SLC2A9: variants seen among roughly 807,000 people sequenced by gnomAD.
The protein encoded by SLC2A9 is solute carrier family 2 member 9.
SLC2A9 carries 39 observed loss-of-function variants against 50.6 expected under a neutral mutation model. That is an observed-to-expected ratio of 0.77 (90% CI 0.60 to 1.01). The LOEUF (loss-of-function observed/expected upper bound fraction) is 1.01, where lower values mean the gene tolerates loss of function less well. Among genes scored for constraint, SLC2A9 ranks in the 50% least tolerant of loss-of-function variants. SLC2A9 has a pLI of 0.00. For synonymous variants in SLC2A9, 324 were observed against 276.9 expected, an observed-to-expected ratio of 1.17 and a Z score of -1.69; for missense variants, 686 against 677.6, an observed-to-expected ratio of 1.01 and a Z score of -0.14.
rs549027794 is a variant in SLC2A9, at chr4:9,829,407, G to C, written c.1420-2807C>G. ...AAAACCCAAAACTATAAAAACCCTA[G>C]AAGAAAATCTAGGCAATACCATTCG... On this transcript the variant is annotated intron_variant, in intron 11 of 11. Coordinates refer to ENST00000264784, the MANE Select transcript of SLC2A9 (RefSeq NM_020041.3). 2.3e-3 allele frequency among the ~76,000 whole-genome samples: 327 copies of C among 143,272 alleles called. 1 individual carries two copies. The highest frequency in any genetic ancestry group is 4.2e-3 in the Non-Finnish European group (278 of 66,392). 94.0% of individuals were successfully genotyped at this position (143,272 alleles called of 152,430 possible).
At chr4:9,795,171 C>A (rs757978706), downstream of SLC2A9, among the ~76,000 whole-genome samples, 6 of 152,030 alleles carry the variant, frequency 3.9e-5, no homozygotes, top group Non-Finnish European at 7.4e-5. Context: ...CCCCCACACT[C>A]AGCTAGCATT....
intron 10 of SLC2A9, among the ~76,000 whole-genome samples, chr4:9,877,265 C>A (rs552290205): frequency 7.0e-4 from 106 of 152,282 alleles, no homozygotes; most frequent in East Asian, 6.4e-3. Flanking sequence ...AAGAATGTGC[C>A]CGTACCTGCC....
intron 10 of SLC2A9, among the ~76,000 whole-genome samples, chr4:9,866,525 C>T (rs550886756): frequency 9.2e-5 from 14 of 152,252 alleles, no homozygotes; most frequent in African/African-American, 2.6e-4. Flanking sequence ...TCCAGTCACA[C>T]GTGCCTCCTT....
chr4:9,911,653 C>T (rs1297086644), intron 7 of SLC2A9, among the ~76,000 whole-genome samples: 1 of 152,220 alleles, frequency 6.6e-6, no homozygotes, highest in Non-Finnish European at 1.5e-5. Context: ...TCTCTCATGA[C>T]CTGCGTGACC....
intron 2 of SLC2A9, among the ~76,000 whole-genome samples, chr4:10,001,802 T>A (rs1759871823): frequency 6.6e-6 from 1 of 152,240 alleles, no homozygotes; most frequent in Non-Finnish European, 1.5e-5. Context: ...TTTATCTGCC[T>A]TTTAGGCTCC....
chr4:9,818,907 G>T (rs1724007044), intron 3 of SLC2A9, among the ~76,000 whole-genome samples: 1 of 151,988 alleles, frequency 6.6e-6, no homozygotes, highest in Non-Finnish European at 1.5e-5. Context: ...TGGATCACAA[G>T]GTCAGGAGAT....
chr4:9,806,411 T>C (rs1722123009), intron 3 of SLC2A9, among the ~76,000 whole-genome samples: 1 of 152,264 alleles, frequency 6.6e-6, no homozygotes, highest in African/African-American at 2.4e-5. Context: ...ATACTTTTTA[T>C]TAATCTACAA....
chr4:10,008,548 T>C (rs915617307), intron 2 of SLC2A9, among the ~76,000 whole-genome samples: 1 of 152,224 alleles, frequency 6.6e-6, no homozygotes, highest in Non-Finnish European at 1.5e-5. Flanking sequence ...TTAAACATCC[T>C]GGTGATGCAG....
intron 10 of SLC2A9, among the ~76,000 whole-genome samples, chr4:9,839,462 G>A (rs747454642): frequency 2.0e-5 from 3 of 151,992 alleles, no homozygotes; most frequent in Non-Finnish European, 4.4e-5. Flanking sequence ...ACTACTATTC[G>A]ACCCAGCAAT....
chr4:9,776,150 C>G (rs146089401), downstream of SLC2A9, among the ~76,000 whole-genome samples: 307 of 151,332 alleles, frequency 2.0e-3, 2 homozygotes, highest in African/African-American at 7.3e-3. Context: ...GACTGATGCC[C>G]AAGTCAGAGA....
chr4:9,975,994 G>C (rs976159306), intron 5 of SLC2A9, among the ~76,000 whole-genome samples: 1 of 152,164 alleles, frequency 6.6e-6, no homozygotes, highest in Non-Finnish European at 1.5e-5. Context: ...AATAACACAG[G>C]AACAGAAAAC....
intron 1 of SLC2A9, among the ~76,000 whole-genome samples, chr4:10,019,651 G>C (rs750968245): frequency 6.6e-6 from 1 of 152,214 alleles, no homozygotes; most frequent in Non-Finnish European, 1.5e-5. Flanking sequence ...CCTGAGTGCC[G>C]TTGTCCAAGG....
At chr4:9,777,600 T>C (rs1049096211), downstream of SLC2A9, among the ~76,000 whole-genome samples, 13 of 152,196 alleles carry the variant, frequency 8.5e-5, no homozygotes, top group African/African-American at 2.7e-4. Context: ...GAAACTTCTG[T>C]GCATTGATTT....
chr4:9,944,085 G>A (rs1262225354), intron 5 of SLC2A9, among the ~76,000 whole-genome samples: 1 of 152,202 alleles, frequency 6.6e-6, no homozygotes, highest in African/African-American at 2.4e-5. Context: ...TGGGTGGAAG[G>A]GCACCCCCAG....
At chr4:10,006,885 C>A (rs761965021) in intron 2 of SLC2A9, among the ~76,000 whole-genome samples, 1 of 151,828 alleles carries the variant, frequency 6.6e-6, no homozygotes, top group Admixed American at 6.6e-5. Context: ...GCCTATGTGA[C>A]CACCCCCCGA....
At chr4:9,878,800 G>C (rs561539935) in intron 10 of SLC2A9, among the ~76,000 whole-genome samples, 1 of 152,064 alleles carries the variant, frequency 6.6e-6, no homozygotes, top group East Asian at 1.9e-4. Context: ...GCAGTCTTGT[G>C]GGATTGAACC....
chr4:9,901,699 A>C (rs1739655336), intron 8 of SLC2A9, among the ~76,000 whole-genome samples: 1 of 150,090 alleles, frequency 6.7e-6, no homozygotes, highest in African/African-American at 2.5e-5. Flanking sequence ...TTGGCCCCTC[A>C]AGCGGCAGCC....
chr4:9,895,147 G>T (rs912705278), intron 8 of SLC2A9, among the ~76,000 whole-genome samples: 10 of 152,192 alleles, frequency 6.6e-5, no homozygotes, highest in Non-Finnish European at 1.0e-4. Flanking sequence ...CTTTGGAAAG[G>T]GTGGGGTGAG....
At chr4:9,801,760 C>T (rs1331698931) in intron 3 of SLC2A9, among the ~76,000 whole-genome samples, 2 of 152,176 alleles carry the variant, frequency 1.3e-5, no homozygotes, top group African/African-American at 4.8e-5. Context: ...GCATCTCCTG[C>T]ACGTGGTGAA....
Sources: allele counts gnomAD v4.1 joint callset (sites outside exome capture counted in the v4.1 genomes callset), GRCh38; gene constraint gnomAD v4.1.1; transcripts MANE v1.5; gene names NCBI Gene and HGNC (gene_info 2026-07-23, HGNC 2026-07-21).